CSMD2: variants seen among roughly 807,000 people sequenced by gnomAD.
CSMD2 encodes the protein CUB and Sushi multiple domains 2, also known as CUB and sushi domain-containing protein 2.
Under a neutral mutation model 398.5 loss-of-function variants are expected in CSMD2, and 130 were observed. The observed-to-expected ratio is 0.33, with a 90% CI of 0.28 to 0.38. The LOEUF (loss-of-function observed/expected upper bound fraction) is 0.38, where lower values mean the gene tolerates loss of function less well. Among genes scored for constraint, CSMD2 ranks in the 10% least tolerant of loss-of-function variants. CSMD2 has a pLI of 1.00. For missense variants in CSMD2, 3,829 were observed against 4,764.9 expected, an observed-to-expected ratio of 0.80 and a Z score of 5.78; for synonymous variants, 1,828 against 1,908.5, an observed-to-expected ratio of 0.96 and a Z score of 1.10.
At chr1:33,805,617 C>T (rs539653047) in intron 10 of CSMD2, among the ~76,000 whole-genome samples, 2 of 152,092 alleles carry the variant, frequency 1.3e-5, no homozygotes, top group South Asian at 2.1e-4. Flanking sequence ...GAAGATGGGG[C>T]TTTTAGGGAA....
chr1:33,678,175 G>A (rs1644782862), intron 25 of CSMD2, among the ~76,000 whole-genome samples: 3 of 151,748 alleles, frequency 2.0e-5, no homozygotes, highest in Admixed American at 2.0e-4. Context: ...CTCTTGCCAT[G>A]TGACATGCTC....
At chr1:33,744,544 C>A (rs914485947) in intron 13 of CSMD2, among the ~76,000 whole-genome samples, 1 of 151,596 alleles carries the variant, frequency 6.6e-6, no homozygotes, top group Admixed American at 6.6e-5. Flanking sequence ...TAGTAGCAGA[C>A]CCTGGAATAA....
At chr1:33,903,965 GC>G (rs1642916352) in intron 5 of CSMD2, among the ~76,000 whole-genome samples, 1 of 152,202 alleles carries the variant, frequency 6.6e-6, no homozygotes, top group Non-Finnish European at 1.5e-5. Flanking sequence ...AGAAGCCCGA[GC>G]AGGGAACCTG....
intron 10 of CSMD2, among the ~76,000 whole-genome samples, chr1:33,797,932 C>T (rs1335381599): frequency 6.6e-6 from 1 of 152,174 alleles, no homozygotes; most frequent in Non-Finnish European, 1.5e-5. Flanking sequence ...TAAAATGATT[C>T]ACATCACTGG....
intron 3 of CSMD2, among the ~76,000 whole-genome samples, chr1:34,015,177 C>G (rs141905260): frequency 4.3e-4 from 66 of 152,332 alleles, no homozygotes; most frequent in African/African-American, 1.5e-3. Flanking sequence ...TACCCACATT[C>G]TTTTCCTGCT....
At chr1:33,908,761 G>A (rs543795443) in intron 5 of CSMD2, among the ~76,000 whole-genome samples, 18 of 152,316 alleles carry the variant, frequency 1.2e-4, no homozygotes, top group Admixed American at 2.6e-4. Context: ...TCACTCCTCC[G>A]GACACATTTG....
At chr1:34,137,287 A>C (rs1470654959) in intron 1 of CSMD2, among the ~76,000 whole-genome samples, 1 of 108,734 alleles carries the variant, frequency 9.2e-6, no homozygotes, top group Non-Finnish European at 2.2e-5. Context: ...AGGCCCAGTG[A>C]GTATAAGAAA....
At chr1:34,009,513 C>T (rs1647175949) in intron 3 of CSMD2, among the ~76,000 whole-genome samples, 1 of 152,004 alleles carries the variant, frequency 6.6e-6, no homozygotes, top group Non-Finnish European at 1.5e-5. Flanking sequence ...GCTCAATCTA[C>T]TCCCAGCTCT....
intron 1 of CSMD2, among the ~76,000 whole-genome samples, chr1:34,134,862 G>T (rs529756143): frequency 7.9e-5 from 12 of 152,292 alleles, no homozygotes; most frequent in Non-Finnish European, 1.2e-4. Context: ...ACGCAATAAT[G>T]AGCTACTTTT....
intron 6 of CSMD2, chr1:33,839,471 A>C (rs1191153764): frequency 1.9e-5 from 3 of 159,714 alleles, no homozygotes; most frequent in African/African-American, 7.2e-5. Flanking sequence ...TTCATGACTT[A>C]GGAAAAGTTG....
chr1:33,903,549 T>C (rs1642888000), intron 5 of CSMD2, among the ~76,000 whole-genome samples: 1 of 152,148 alleles, frequency 6.6e-6, no homozygotes, highest in Admixed American at 6.5e-5. Context: ...TGTTAACCTT[T>C]GCAATTAGCC....
At chr1:34,125,852 A>G (rs764495253) in intron 1 of CSMD2, among the ~76,000 whole-genome samples, 10 of 152,152 alleles carry the variant, frequency 6.6e-5, no homozygotes, top group Non-Finnish European at 8.8e-5. Flanking sequence ...GCCCCAGAAG[A>G]GCCAGACATG....
intron 3 of CSMD2, among the ~76,000 whole-genome samples, chr1:33,986,202 C>T (rs1323786983): frequency 1.3e-5 from 2 of 152,210 alleles, no homozygotes; most frequent in African/African-American, 4.8e-5. Context: ...AAGCTTTCCA[C>T]TCAGCTCCGG....
At chr1:33,947,394 A>T (rs1012067446) in intron 3 of CSMD2, among the ~76,000 whole-genome samples, 1 of 152,106 alleles carries the variant, frequency 6.6e-6, no homozygotes, top group Non-Finnish European at 1.5e-5. Flanking sequence ...GGATGCCCAT[A>T]ATGATGTCCC....
chr1:33,515,651 A>C lies in CSMD2; in HGVS notation c.*973T>G, dbSNP rs1252100422. ...ACTACAGGTAAAGTGTCAGGCACAG[A>C]GAATAACCCCAGTACATGATAGCCA... is the stretch of plus-strand genomic sequence containing the variant. On this transcript the variant is annotated 3_prime_UTR_variant, in exon 71 of 71. Coordinates refer to ENST00000373381, the MANE Select transcript of CSMD2 (RefSeq NM_001281956.2). 2 of 152,264 alleles carry C rather than the reference A, an allele frequency of 1.3e-5. No homozygotes were observed. Among genetic ancestry groups the C allele is most frequent in the African/African-American group, 4.8e-5 (2 of 41,466 alleles). 9.4% of individuals were successfully genotyped at this position (152,264 alleles called of 1,614,324 possible). A position where few individuals can be genotyped will look rare whatever the true frequency, so the allele number is the denominator to read the frequency against.
intron 5 of CSMD2, among the ~76,000 whole-genome samples, chr1:33,898,623 G>T (rs570339039): frequency 4.6e-5 from 7 of 152,128 alleles, no homozygotes; most frequent in Non-Finnish European, 1.0e-4. Flanking sequence ...CCAGAGACTT[G>T]TCAACTTCCC....
chr1:33,966,390 C>T (rs1645559158), intron 3 of CSMD2, among the ~76,000 whole-genome samples: 1 of 152,142 alleles, frequency 6.6e-6, no homozygotes, highest in Non-Finnish European at 1.5e-5. Flanking sequence ...TATGCTGAGG[C>T]TTAAATGGGA....
At chr1:33,557,966 A>G in intron 54 of CSMD2, 44 bp from the exon 55 acceptor site, 1 of 1,502,040 alleles carries the variant, frequency 6.7e-7, no homozygotes, top group Non-Finnish European at 8.9e-7. Flanking sequence ...TTCCCAGTAT[A>G]GTAAAATCTT....
chr1:33,563,862 G>T (rs7367222), intron 53 of CSMD2, among the ~76,000 whole-genome samples: 63,915 of 152,018 alleles, frequency 0.42, 14,946 homozygotes, highest in Admixed American at 0.6. Flanking sequence ...TTGAGAGTCT[G>T]GTTGACATTG....
Sources: gnomAD v4.1 joint callset for allele counts (sites outside exome capture counted in the v4.1 genomes callset) on GRCh38, gnomAD v4.1.1 for gene constraint, MANE v1.5 for transcripts, NCBI Gene and HGNC (gene_info 2026-07-23, HGNC 2026-07-21) for gene names.